Variants in TMEM44 observed in about 807,000 individuals in gnomAD.
The protein encoded by TMEM44 is transmembrane protein 44.
In TMEM44, 43 loss-of-function variants were observed where a neutral mutation model predicts 47.8. The observed-to-expected ratio is 0.90, with a 90% CI of 0.70 to 1.16. The LOEUF is 1.16. TMEM44 is among the 50% of genes most tolerant of loss of function. The pLI, the probability that TMEM44 is intolerant of heterozygous loss-of-function variation, is 0.00. For synonymous variants in TMEM44, 277 were observed against 238.8 expected (o/e 1.16, Z -1.48); for missense variants, 568 against 555.2 (o/e 1.02, Z -0.23).
intron 9 of TMEM44, among the ~76,000 whole-genome samples, chr3:194,598,898 C>G (rs1476197051): frequency 1.3e-5 from 2 of 152,154 alleles, no homozygotes; most frequent in South Asian, 4.1e-4. Flanking sequence ...CAGGCCCCGA[C>G]AGTGGGAGTC....
At chr3:194,623,362 T>C in intron 4 of TMEM44, 52 bp from the exon 5 acceptor site, 3 of 1,545,738 alleles carry the variant, frequency 1.9e-6, no homozygotes, top group South Asian at 1.2e-5. Context: ...AGACTGCCCA[T>C]GTGCCCCAAG....
chr3:194,605,522 G>A (rs1043323959), intron 8 of TMEM44, among the ~76,000 whole-genome samples: 1 of 152,188 alleles, frequency 6.6e-6, no homozygotes, highest in Non-Finnish European at 1.5e-5. Flanking sequence ...CGTCTTACAT[G>A]GATGGCAGCA....
intron 8 of TMEM44, among the ~76,000 whole-genome samples, chr3:194,604,759 A>G (rs1178195801): frequency 6.6e-6 from 1 of 152,206 alleles, no homozygotes; most frequent in Non-Finnish European, 1.5e-5. Context: ...ACTATGCCTT[A>G]GAGATAGTTC....
chr3:194,604,224 A>T, intron 9 of TMEM44, 63 bp downstream of exon 9: 1 of 1,542,700 alleles, frequency 6.5e-7, no homozygotes, highest in Non-Finnish European at 8.8e-7. Context: ...CCCAAGGAGC[A>T]CCCAGCAAGT....
intron 3 of TMEM44, among the ~76,000 whole-genome samples, chr3:194,623,999 G>A (rs996556547): frequency 6.6e-6 from 1 of 152,090 alleles, no homozygotes; most frequent in African/African-American, 2.4e-5. Flanking sequence ...GCCTCTTCTG[G>A]ACTAGAGCGC....
rs1712145665 is a variant in TMEM44 at position 194,588,546 on chromosome 3, G to T, written c.1270C>A (p.Leu424Met). 2 of 1,614,026 alleles carry T rather than the reference G, an allele frequency of 1.2e-6. No individual in the cohort carries two copies. The highest frequency in any genetic ancestry group is 3.3e-5 in the Admixed American group (2 of 60,006). The change falls in exon 10 of 10, where the codon CTG (leucine) becomes ATG (methionine). Residue 424 changes from leucine to methionine, a missense_variant. Coordinates refer to ENST00000347147, the MANE Select transcript of TMEM44 (RefSeq NM_001011655.3). Reference protein sequence around the residue: ...VHQDSVRTAHLSDDD With the variant: ...VHQDSVRTAHMSDDD ...AGAAGGTGTTAATCATCATCACTCAGGTGTGCTGTCCTCACAGAGTCCTGG... is the reference window on the plus strand; with the variant it reads ...AGAAGGTGTTAATCATCATCACTCATGTGTGCTGTCCTCACAGAGTCCTGG...
chr3:194,592,212 G>A (rs534222147), intron 9 of TMEM44, among the ~76,000 whole-genome samples: 17 of 133,610 alleles, frequency 1.3e-4, no homozygotes, highest in Non-Finnish European at 2.7e-4. Context: ...GCGACAGAGC[G>A]AGACTCCGTC....
At chr3:194,592,856 G>T (rs1038714436) in intron 9 of TMEM44, among the ~76,000 whole-genome samples, 2 of 151,946 alleles carry the variant, frequency 1.3e-5, no homozygotes, top group Admixed American at 6.6e-5. Flanking sequence ...TCAGGTGATC[G>T]CCCACCTCGG....
intron 5 of TMEM44, among the ~76,000 whole-genome samples, chr3:194,619,484 G>C (rs1362909326): frequency 6.6e-6 from 1 of 152,168 alleles, no homozygotes; most frequent in African/African-American, 2.4e-5. Context: ...GGCCTCGGAT[G>C]GTCTCTGCAG....
At chr3:194,592,224 CAA>C (rs58909852) in intron 9 of TMEM44, among the ~76,000 whole-genome samples, 13,076 of 129,626 alleles carry the variant, frequency 0.1, 586 homozygotes, top group South Asian at 0.22. Flanking sequence ...GACTCCGTCT[CAA>C]AAAAAAAAAA....
chr3:194,595,462 A>G (rs1274029781), intron 9 of TMEM44, among the ~76,000 whole-genome samples: 1 of 152,148 alleles, frequency 6.6e-6, no homozygotes, highest in Non-Finnish European at 1.5e-5. Flanking sequence ...AGACTGTGGA[A>G]GCTGGATGGG....
chr3:194,623,867 T>G (rs1716857951), intron 3 of TMEM44, among the ~76,000 whole-genome samples, 172 bp from the exon 4 acceptor site: 1 of 152,138 alleles, frequency 6.6e-6, no homozygotes, highest in African/African-American at 2.4e-5. Flanking sequence ...TTGTGCCACC[T>G]CTTCAAGGAG....
chr3:194,598,944 G>A (rs751103926), intron 9 of TMEM44, among the ~76,000 whole-genome samples: 3 of 152,204 alleles, frequency 2.0e-5, no homozygotes, highest in Admixed American at 6.5e-5. Context: ...GGGATCAAAC[G>A]GAAGCCGAGT....
chr3:194,615,784 C>A (rs1195958632), intron 6 of TMEM44, 87 bp from the exon 7 acceptor site: 2 of 1,527,356 alleles, frequency 1.3e-6, no homozygotes, highest in African/African-American at 2.7e-5. Context: ...CTGCCACCCC[C>A]CTCCCCACTC....
intron 8 of TMEM44, among the ~76,000 whole-genome samples, chr3:194,608,656 G>A (rs1008200781): frequency 3.9e-5 from 6 of 152,216 alleles, no homozygotes; most frequent in African/African-American, 1.4e-4. Context: ...GAAAAATCAG[G>A]AGGGAGAGCA....
chr3:194,614,177 A>G (rs550724171), intron 7 of TMEM44, among the ~76,000 whole-genome samples: 1 of 152,280 alleles, frequency 6.6e-6, no homozygotes, highest in East Asian at 1.9e-4. Flanking sequence ...CACAAGGAAT[A>G]GAGTAAGTAG....
chr3:194,591,443 G>A (rs978256338), intron 9 of TMEM44, among the ~76,000 whole-genome samples: 3 of 152,114 alleles, frequency 2.0e-5, no homozygotes, highest in Admixed American at 1.3e-4. Flanking sequence ...GCAGTGAGCC[G>A]AGATCACGCC....
At chr3:194,625,012 C>T (rs867028480) in intron 3 of TMEM44, among the ~76,000 whole-genome samples, 6 of 152,122 alleles carry the variant, frequency 3.9e-5, no homozygotes, top group Non-Finnish European at 7.4e-5. Flanking sequence ...CCACCATGCC[C>T]GGCCCCCTCA....
chr3:194,617,673 C>T (rs376325057), intron 5 of TMEM44: 205 of 703,926 alleles, frequency 2.9e-4, no homozygotes, highest in Non-Finnish European at 4.4e-4. Context: ...GGCAGCGGCT[C>T]GCCAATGTCC....
Sources: gnomAD v4.1 joint callset for allele counts (sites outside exome capture counted in the v4.1 genomes callset) on GRCh38, gnomAD v4.1.1 for gene constraint, MANE v1.5 for transcripts, NCBI Gene and HGNC (gene_info 2026-07-23, HGNC 2026-07-21) for gene names.